SYN3: variants seen among roughly 807,000 people sequenced by gnomAD.
SYN3 encodes synapsin III.
SYN3 carries 35 observed loss-of-function variants against 65.8 expected under a neutral mutation model. The observed-to-expected ratio is 0.53, with a 90% CI of 0.41 to 0.70. SYN3 has a LOEUF of 0.70. Among genes scored for constraint, SYN3 ranks in the 30% least tolerant of loss-of-function variants. SYN3 has a pLI of 0.00. For missense variants in SYN3, 680 were observed against 749.0 expected, an observed-to-expected ratio of 0.91 and a Z score of 1.08; for synonymous variants, 270 against 292.9, an observed-to-expected ratio of 0.92 and a Z score of 0.80.
At chr22:32,882,098 G>A (rs1014999549) in intron 4 of SYN3, among the ~76,000 whole-genome samples, 2 of 151,892 alleles carry the variant, frequency 1.3e-5, no homozygotes, top group African/African-American at 4.8e-5. Context: ...GGGAGACAGG[G>A]GAGGGCAGGA....
At chr22:32,974,351 T>C (rs1167739092) in intron 3 of SYN3, among the ~76,000 whole-genome samples, 1 of 152,224 alleles carries the variant, frequency 6.6e-6, no homozygotes, top group Non-Finnish European at 1.5e-5. Context: ...TAACAGTGCC[T>C]ACTTCACCCA....
chr22:32,722,027 C>A (rs1601980175), intron 6 of SYN3, among the ~76,000 whole-genome samples: 2 of 152,086 alleles, frequency 1.3e-5, no homozygotes, highest in African/African-American at 4.8e-5. Context: ...AGCAGAGAGA[C>A]CAGCATGGCA....
intron 6 of SYN3, among the ~76,000 whole-genome samples, chr22:32,694,054 T>G (rs1030109342): frequency 1.3e-5 from 2 of 152,054 alleles, no homozygotes; most frequent in Non-Finnish European, 2.9e-5. Context: ...TTTCTGTTTT[T>G]TCCTTTGTTT....
intron 6 of SYN3, among the ~76,000 whole-genome samples, chr22:32,747,618 A>C (rs1188595601): frequency 6.6e-6 from 1 of 152,204 alleles, no homozygotes; most frequent in Non-Finnish European, 1.5e-5. Context: ...AAAAATCATA[A>C]AGCCAATGAG....
At chr22:32,679,798 GT>G (rs1361175005) in intron 6 of SYN3, among the ~76,000 whole-genome samples, 1 of 123,730 alleles carries the variant, frequency 8.1e-6, no homozygotes, top group African/African-American at 3.0e-5. Flanking sequence ...TCTATTCAAG[GT>G]TTTTGCCCAC....
chr22:32,813,663 AT>A (rs130278), intron 6 of SYN3, among the ~76,000 whole-genome samples: 73 of 146,798 alleles, frequency 5.0e-4, no homozygotes, highest in East Asian at 3.8e-3. Flanking sequence ...GTAACACCCA[AT>A]TTTTTTTTTT....
intron 4 of SYN3, among the ~76,000 whole-genome samples, chr22:32,870,409 A>C (rs2048818978): frequency 1.3e-5 from 2 of 152,206 alleles, no homozygotes; most frequent in Non-Finnish European, 2.9e-5. Context: ...TATAATTTTT[A>C]ATTTCTACAC....
chr22:32,918,608 CAT>C, intron 4 of SYN3, among the ~76,000 whole-genome samples: 1 of 152,234 alleles, frequency 6.6e-6, no homozygotes, highest in African/African-American at 2.4e-5. Context: ...AAAAAAAATG[CAT>C]AGTTGGGCCT....
rs752055522 is a variant in SYN3 at position 32,582,111 on chromosome 22, T to C, written c.774+14563A>G. On this transcript the variant is annotated intron_variant, in intron 7 of 13. Transcript: ENST00000358763. ...CCACACCCGGCCTGAGAATTGATTG[T>C]TATAAAAGAATCTGGAAATCAGGCT... Among the ~76,000 whole-genome samples the C allele has an allele frequency of 7.6e-4, 115 of 152,064 alleles. 4 individuals carry two copies. Among genetic ancestry groups the C allele is most frequent in the Non-Finnish European group, 2.2e-4 (15 of 68,002 alleles).
intron 5 of SYN3, among the ~76,000 whole-genome samples, chr22:32,867,388 T>C (rs2048714107): frequency 6.6e-6 from 1 of 152,230 alleles, no homozygotes; most frequent in African/African-American, 2.4e-5. Context: ...TTCACTGCTA[T>C]GTTTCTAGGA....
chr22:32,896,592 G>C (rs2049600004), intron 4 of SYN3, among the ~76,000 whole-genome samples: 1 of 152,232 alleles, frequency 6.6e-6, no homozygotes. Flanking sequence ...GTCAAAGAAA[G>C]TAGGCATTTT....
intron 3 of SYN3, among the ~76,000 whole-genome samples, chr22:32,945,627 A>C (rs1310860206): frequency 2.6e-5 from 4 of 152,200 alleles, no homozygotes; most frequent in African/African-American, 9.6e-5. Flanking sequence ...GGACATAGGC[A>C]TGGGCAAGGA....
intron 4 of SYN3, among the ~76,000 whole-genome samples, chr22:32,921,109 C>T (rs1266222536): frequency 6.6e-6 from 1 of 152,120 alleles, no homozygotes; most frequent in Non-Finnish European, 1.5e-5. Context: ...TAAGTTGCCC[C>T]TTCCTTAAAG....
chr22:32,926,433 T>G (rs1028139983), intron 4 of SYN3, among the ~76,000 whole-genome samples: 1 of 152,230 alleles, frequency 6.6e-6, no homozygotes, highest in African/African-American at 2.4e-5. Flanking sequence ...TGAGGTATTT[T>G]TATATAGTGC....
chr22:32,540,823 A>C (rs2058241952), intron 8 of SYN3, among the ~76,000 whole-genome samples: 1 of 152,200 alleles, frequency 6.6e-6, no homozygotes, highest in Non-Finnish European at 1.5e-5. Context: ...TGGACTAATC[A>C]GTACTTTTTC....
chr22:32,821,430 A>G (rs1422918714), intron 6 of SYN3, among the ~76,000 whole-genome samples: 3 of 152,228 alleles, frequency 2.0e-5, no homozygotes, highest in Non-Finnish European at 4.4e-5. Context: ...ATCAGAAGTC[A>G]AAGAAGGTGG....
At chr22:32,822,364 T>C (rs1380466661) in intron 6 of SYN3, among the ~76,000 whole-genome samples, 4 of 152,110 alleles carry the variant, frequency 2.6e-5, no homozygotes, top group Admixed American at 2.0e-4. Context: ...GTCCCTGGAC[T>C]TGGCAGAGCA....
At chr22:32,957,103 C>T (rs1601783287) in intron 3 of SYN3, among the ~76,000 whole-genome samples, 2 of 152,160 alleles carry the variant, frequency 1.3e-5, no homozygotes, top group African/African-American at 2.4e-5. Flanking sequence ...GTGAGACTGG[C>T]ACCTCTGGAG....
chr22:32,525,047 G>A (rs1344660378), intron 12 of SYN3, among the ~76,000 whole-genome samples: 3 of 152,160 alleles, frequency 2.0e-5, no homozygotes, highest in African/African-American at 7.2e-5. Context: ...AGCTATAGTT[G>A]CCATAGACAG....
Sources: gnomAD v4.1 joint callset for allele counts (sites outside exome capture counted in the v4.1 genomes callset) on GRCh38, gnomAD v4.1.1 for gene constraint, MANE v1.5 for transcripts, NCBI Gene and HGNC (gene_info 2026-07-23, HGNC 2026-07-21) for gene names.